Variants in STXBP4 observed in about 807,000 individuals in gnomAD.
STXBP4 encodes syntaxin-binding protein 4.
In STXBP4, 55 loss-of-function variants were observed where a neutral mutation model predicts 76.1. That is an observed-to-expected ratio of 0.72 (90% CI 0.58 to 0.91). The LOEUF is 0.91. Among genes scored for constraint, STXBP4 ranks in the 40% least tolerant of loss-of-function variants. STXBP4 has a pLI of 0.00. For missense variants in STXBP4, 618 were observed against 636.9 expected, an observed-to-expected ratio of 0.97 and a Z score of 0.32; for synonymous variants, 201 against 220.2, an observed-to-expected ratio of 0.91 and a Z score of 0.77.
At chr17:55,062,026 A>G (rs187503975) in intron 12 of STXBP4, among the ~76,000 whole-genome samples, 3 of 152,236 alleles carry the variant, frequency 2.0e-5, no homozygotes, top group Admixed American at 2.0e-4. Context: ...CTTCAGACCA[A>G]GAGGTCAAAA....
intron 17 of STXBP4, among the ~76,000 whole-genome samples, chr17:55,141,666 G>A (rs1424254969): frequency 6.6e-6 from 1 of 152,110 alleles, no homozygotes; most frequent in East Asian, 1.9e-4. Flanking sequence ...TAGTGTTTAT[G>A]AAAAGTTAAT....
At position 55,161,393 on chromosome 17, in the gene STXBP4, A is replaced by T. The variant is rs2080335785; in HGVS notation, c.*1482A>T. On this transcript the variant is annotated 3_prime_UTR_variant, in exon 18 of 18. Transcript: ENST00000376352. ...AGACAAGTTTTGAGAGAAGCCCCAGAGGGAGCTATTTCCTTGCACCCCCCA... is the reference window on the plus strand; with the variant it reads ...AGACAAGTTTTGAGAGAAGCCCCAGTGGGAGCTATTTCCTTGCACCCCCCA... The T allele has an allele frequency of 6.6e-6, 1 of 152,200 alleles. No individual in the cohort carries two copies. Among genetic ancestry groups the T allele is most frequent in the African/African-American group, 2.4e-5 (1 of 41,460 alleles). The allele number at this position is 152,200 out of a possible 1,614,324, so 9.4% of individuals were successfully genotyped here. A position where few individuals can be genotyped will look rare whatever the true frequency, so the allele number is the denominator to read the frequency against.
chr17:55,064,164 T>G (rs2079023203), intron 12 of STXBP4, among the ~76,000 whole-genome samples: 1 of 152,194 alleles, frequency 6.6e-6, no homozygotes, highest in Admixed American at 6.5e-5. Context: ...TTTGAAAATA[T>G]TGCTTTGATT....
At chr17:55,143,335 G>A (rs930694237) in intron 17 of STXBP4, among the ~76,000 whole-genome samples, 5 of 152,174 alleles carry the variant, frequency 3.3e-5, no homozygotes, top group Admixed American at 3.3e-4. Flanking sequence ...CTGCATTCAG[G>A]ATCCTTTGAA....
intron 16 of STXBP4, among the ~76,000 whole-genome samples, chr17:55,105,112 C>A (rs1338001341): frequency 1.3e-5 from 2 of 152,066 alleles, no homozygotes; most frequent in African/African-American, 4.8e-5. Context: ...TTTTTCGTGT[C>A]TCTATCTCCT....
intron 8 of STXBP4, among the ~76,000 whole-genome samples, chr17:55,017,242 C>T (rs1043465963): frequency 6.6e-6 from 1 of 152,098 alleles, no homozygotes; most frequent in Non-Finnish European, 1.5e-5. Context: ...GCCTGTTTCT[C>T]TCCTCTCTGC....
At chr17:55,204,267 G>GT in the STXBP4 span, among the ~76,000 whole-genome samples, 13 of 151,514 alleles carry the variant, frequency 8.6e-5, no homozygotes, top group Non-Finnish European at 1.5e-4. Flanking sequence ...TAGTTCTACA[G>GT]TTTTTTTTAT....
intron 1 of STXBP4, among the ~76,000 whole-genome samples, chr17:54,982,220 G>C (rs1446774420): frequency 6.6e-6 from 1 of 151,956 alleles, no homozygotes; most frequent in Non-Finnish European, 1.5e-5. Context: ...GAAAAGAACT[G>C]GTTTTATTGA....
chr17:55,210,508 ATAAAG>A, the STXBP4 span, among the ~76,000 whole-genome samples: 6 of 152,216 alleles, frequency 3.9e-5, no homozygotes, highest in Non-Finnish European at 7.3e-5. Flanking sequence ...ACTTCTCTTG[ATAAAG>A]TTCAAAAGAG....
At chr17:55,037,640 A>G (rs2078626021) in intron 10 of STXBP4, among the ~76,000 whole-genome samples, 1 of 152,178 alleles carries the variant, frequency 6.6e-6, no homozygotes, top group Non-Finnish European at 1.5e-5. Context: ...AATGTCGTGC[A>G]ATAGAATTAT....
intron 16 of STXBP4, among the ~76,000 whole-genome samples, chr17:55,087,143 G>A (rs988599642): frequency 6.6e-6 from 1 of 152,076 alleles, no homozygotes; most frequent in East Asian, 1.9e-4. Context: ...TCTGCTAGTA[G>A]TTTGAGTTCC....
intron 12 of STXBP4, among the ~76,000 whole-genome samples, chr17:55,055,871 G>A (rs2078917904): frequency 6.6e-6 from 1 of 152,100 alleles, no homozygotes; most frequent in Admixed American, 6.6e-5. Context: ...CTTATGTTTT[G>A]CTCTTTATCT....
chr17:55,211,841 C>T, the STXBP4 span, among the ~76,000 whole-genome samples: 2 of 101,276 alleles, frequency 2.0e-5, no homozygotes, highest in Non-Finnish European at 3.6e-5. Flanking sequence ...CGGAGTCTTG[C>T]TCTGTTGCCA....
the STXBP4 span, among the ~76,000 whole-genome samples, chr17:55,203,592 T>C: frequency 6.6e-6 from 1 of 152,238 alleles, no homozygotes; most frequent in South Asian, 2.1e-4. Flanking sequence ...TTCTCTGAAA[T>C]TAACATGAGT....
rs374048071 is a variant in STXBP4 at position 55,148,749 on chromosome 17, G to T, written c.1547+7382G>T. 3.3e-3 allele frequency among the ~76,000 whole-genome samples: 508 copies of T among 152,210 alleles called. 2 individuals carry two copies. Among genetic ancestry groups the T allele is most frequent in the African/African-American group, 0.011 (473 of 41,558 alleles). On this transcript the variant is annotated intron_variant, in intron 17 of 17. Coordinates refer to ENST00000376352, the MANE Select transcript of STXBP4 (RefSeq NM_178509.6). ...AGGCGGGGCCATGTTGGCTAGACTG[G>T]TCTTGAAATCCTGACCTCAGGTGAT... is the stretch of plus-strand genomic sequence containing the variant.
intron 10 of STXBP4, among the ~76,000 whole-genome samples, chr17:55,036,700 A>G (rs1465443976): frequency 6.6e-6 from 1 of 151,924 alleles, no homozygotes; most frequent in Non-Finnish European, 1.5e-5. Flanking sequence ...TGCTGCTAGA[A>G]ACCCTAAATT....
chr17:55,029,897 A>G (rs1446486597), intron 8 of STXBP4, among the ~76,000 whole-genome samples: 2 of 152,160 alleles, frequency 1.3e-5, no homozygotes, highest in African/African-American at 2.4e-5. Flanking sequence ...TAGGCACCAA[A>G]TAAATTATTT....
At chr17:55,201,367 T>A in the STXBP4 span, among the ~76,000 whole-genome samples, 2 of 145,680 alleles carry the variant, frequency 1.4e-5, no homozygotes, top group Non-Finnish European at 3.0e-5. Flanking sequence ...AAGATTAAAA[T>A]TAAGAAAGGA....
At chr17:54,969,835 C>G (rs555270280) in intron 1 of STXBP4, among the ~76,000 whole-genome samples, 4 of 152,304 alleles carry the variant, frequency 2.6e-5, no homozygotes, top group African/African-American at 9.6e-5. Flanking sequence ...GAGATCACTT[C>G]AGTGATGGAG....
Sources: allele counts gnomAD v4.1 joint callset (sites outside exome capture counted in the v4.1 genomes callset), GRCh38; gene constraint gnomAD v4.1.1; transcripts MANE v1.5; gene names NCBI Gene and HGNC (gene_info 2026-07-23, HGNC 2026-07-21).